CENPK: variants seen among roughly 807,000 people sequenced by gnomAD.
CENPK encodes SoxLZ/Sox6-binding protein Solt.
A neutral mutation model predicts 40.9 loss-of-function variants in CENPK; 46 were observed. The observed-to-expected ratio is 1.13, with a 90% CI of 0.89 to 1.44. The LOEUF is 1.44. Ranked by LOEUF, CENPK falls within the 40% of genes most tolerant of loss-of-function variation. CENPK has a pLI of 0.00. For missense variants in CENPK, 288 were observed against 303.5 expected (o/e 0.95, Z 0.38); for synonymous variants, 107 against 104.4 (o/e 1.02, Z -0.15).
At chr5:65,548,997 C>T (rs1749504260) in intron 5 of CENPK, among the ~76,000 whole-genome samples, 1 of 152,184 alleles carries the variant, frequency 6.6e-6, no homozygotes, top group African/African-American at 2.4e-5. Context: ...TTTCAATGTA[C>T]TTTGGCCCAG....
At chr5:65,530,623 T>C (rs765110140) in intron 6 of CENPK, among the ~76,000 whole-genome samples, 1 of 152,186 alleles carries the variant, frequency 6.6e-6, no homozygotes, top group Non-Finnish European at 1.5e-5. Context: ...AAATCAGTGA[T>C]AAGTTAAACA....
the CENPK span, among the ~76,000 whole-genome samples, chr5:65,501,685 G>A: frequency 2.6e-5 from 4 of 152,282 alleles, no homozygotes; most frequent in East Asian, 7.7e-4. Context: ...AGGTAGTGGT[G>A]AAAGTCCACG....
intron 5 of CENPK, among the ~76,000 whole-genome samples, chr5:65,544,153 G>A (rs1029149122): frequency 2.6e-5 from 4 of 152,144 alleles, no homozygotes; most frequent in African/African-American, 9.7e-5. Context: ...TGCCTTGGAA[G>A]GGTTTGCTCT....
chr5:65,516,464 C>G (rs999452530), downstream of CENPK, among the ~76,000 whole-genome samples: 1 of 152,124 alleles, frequency 6.6e-6, no homozygotes, highest in Non-Finnish European at 1.5e-5. Context: ...TGAATTGGCT[C>G]TCTGATTATT....
the CENPK span, among the ~76,000 whole-genome samples, chr5:65,507,008 A>T: frequency 8.5e-5 from 13 of 152,362 alleles, 1 homozygote; most frequent in South Asian, 2.7e-3. Flanking sequence ...AAAATTTATT[A>T]TCTTACGTAT....
At chr5:65,515,840 G>A (rs528318414), downstream of CENPK, among the ~76,000 whole-genome samples, 1 of 152,176 alleles carries the variant, frequency 6.6e-6, no homozygotes, top group East Asian at 1.9e-4. Context: ...GTCTATCTAG[G>A]CTACCCTAAC....
At chr5:65,538,129 A>T (rs548112821) in intron 6 of CENPK, among the ~76,000 whole-genome samples, 27 of 151,992 alleles carry the variant, frequency 1.8e-4, no homozygotes, top group Admixed American at 3.3e-4. Context: ...GGTCCTTTTT[A>T]AAAAAAATGG....
rs746284263 is a variant in CENPK, at chr5:65,518,501, T to A, written c.784A>T (p.Ile262Leu). The A allele has an allele frequency of 6.2e-7, 1 of 1,612,306 alleles. No homozygotes were observed. The highest frequency in any genetic ancestry group is 8.5e-7 in the Non-Finnish European group (1 of 1,179,564). Residue 262 changes from isoleucine (I) to leucine (L), a missense_variant, in exon 11 of 11, where the codon ATA becomes TTA. By Grantham distance (5) the Ile-to-Leu change is conservative. Transcript: ENST00000396679. ...TACTGATGGAAAGCTTCTAATCTTA[T>A]TCGGGTTGGATCTTCTGGATGTCTC... ...ALRHPEDPTR[I>L]RLEAFHQ
chr5:65,542,549 C>T (rs1366943589), intron 6 of CENPK, among the ~76,000 whole-genome samples: 1 of 151,754 alleles, frequency 6.6e-6, no homozygotes, highest in Non-Finnish European at 1.5e-5. Flanking sequence ...AGGCAGGAGA[C>T]TCACCTGACC....
chr5:65,516,710 G>C (rs1398069021), downstream of CENPK, among the ~76,000 whole-genome samples: 1 of 142,178 alleles, frequency 7.0e-6, no homozygotes, highest in Non-Finnish European at 1.6e-5. Flanking sequence ...TAAAAAAAAA[G>C]CAAGATTCCA....
intron 9 of CENPK, among the ~76,000 whole-genome samples, chr5:65,525,721 T>C (rs11955224): frequency 0.012 from 1,816 of 152,242 alleles, 36 homozygotes; most frequent in South Asian, 0.042. Context: ...GTCATAAGAA[T>C]CGGGCCCTAA....
chr5:65,503,872 G>T, the CENPK span, among the ~76,000 whole-genome samples: 4 of 151,550 alleles, frequency 2.6e-5, no homozygotes, highest in African/African-American at 9.7e-5. Flanking sequence ...TGGTCAGACT[G>T]GTCTAGAACT....
chr5:65,554,974 GC>G, intron 2 of CENPK, 28 bp from the exon 3 acceptor site: 1 of 950,592 alleles, frequency 1.1e-6, no homozygotes, highest in Admixed American at 1.8e-5. Flanking sequence ...TATTCATTCA[GC>G]AGTATTGGTT....
intron 6 of CENPK, among the ~76,000 whole-genome samples, chr5:65,531,710 G>A (rs950937177): frequency 6.6e-6 from 1 of 152,108 alleles, no homozygotes; most frequent in African/African-American, 2.4e-5. Flanking sequence ...CACCATGTTG[G>A]CCAGGATGGT....
At chr5:65,515,160 T>C (rs567963618), downstream of CENPK, among the ~76,000 whole-genome samples, 5 of 151,698 alleles carry the variant, frequency 3.3e-5, no homozygotes, top group African/African-American at 1.2e-4. Context: ...CACTCAATAC[T>C]ATAAATTACC....
chr5:65,552,227 T>C (rs2150517965), intron 4 of CENPK, among the ~76,000 whole-genome samples: 1 of 152,312 alleles, frequency 6.6e-6, no homozygotes, highest in East Asian at 1.9e-4. Flanking sequence ...ACAAGCAATT[T>C]ACTCAGTTGT....
intron 5 of CENPK, among the ~76,000 whole-genome samples, chr5:65,547,721 G>A (rs1258058247): frequency 2.6e-5 from 4 of 152,024 alleles, no homozygotes; most frequent in African/African-American, 4.8e-5. Context: ...CAGGAGTGCA[G>A]TGGCATGATC....
At chr5:65,510,689 T>C in the CENPK span, among the ~76,000 whole-genome samples, 1 of 151,790 alleles carries the variant, frequency 6.6e-6, no homozygotes, top group Non-Finnish European at 1.5e-5. Context: ...GGCAGGAGAA[T>C]TGCTTGAACC....
chr5:65,543,390 T>C (rs927088128), intron 5 of CENPK, among the ~76,000 whole-genome samples: 1 of 152,230 alleles, frequency 6.6e-6, no homozygotes, highest in Non-Finnish European at 1.5e-5. Context: ...GGGAAGCTAA[T>C]AATCTATAGT....
Sources: gnomAD v4.1 joint callset for allele counts (sites outside exome capture counted in the v4.1 genomes callset) on GRCh38, gnomAD v4.1.1 for gene constraint, MANE v1.5 for transcripts, NCBI Gene and HGNC (gene_info 2026-07-23, HGNC 2026-07-21) for gene names.